Variants in DGLUCY observed in about 807,000 individuals in gnomAD.
DGLUCY encodes D-glutamate cyclase, mitochondrial.
DGLUCY carries 58 observed loss-of-function variants against 58.5 expected under a neutral mutation model. The observed-to-expected ratio is 0.99, with a 90% confidence interval of 0.80 to 1.23. The LOEUF (loss-of-function observed/expected upper bound fraction) is 1.23, where lower values mean the gene tolerates loss of function less well. DGLUCY is among the 50% of genes most tolerant of loss of function. The pLI is 0.00. For missense variants in DGLUCY, 779 were observed against 784.7 expected (o/e 0.99, Z 0.09); for synonymous variants, 325 against 314.1 (o/e 1.03, Z -0.37).
chr14:91,065,492 G>A (rs959750420), intron 1 of DGLUCY, among the ~76,000 whole-genome samples: 3 of 152,076 alleles, frequency 2.0e-5, no homozygotes, highest in African/African-American at 7.2e-5. Flanking sequence ...GATCACCTGG[G>A]ATACTGAAAA....
intron 1 of DGLUCY, chr14:91,148,526 A>C (rs929054443): frequency 1.3e-5 from 2 of 152,048 alleles, no homozygotes; most frequent in African/African-American, 4.8e-5. Flanking sequence ...TTTAACAACC[A>C]AAAACTTAAA....
At chr14:91,087,406 T>C (rs1023551560) in intron 1 of DGLUCY, among the ~76,000 whole-genome samples, 1 of 152,192 alleles carries the variant, frequency 6.6e-6, no homozygotes, top group African/African-American at 2.4e-5. Flanking sequence ...TAACTTCTCT[T>C]AGAAGCAAAA....
intron 2 of DGLUCY, among the ~76,000 whole-genome samples, chr14:91,159,960 G>T (rs1478025108): frequency 1.3e-5 from 2 of 152,144 alleles, no homozygotes; most frequent in Non-Finnish European, 2.9e-5. Context: ...TGGCCAAGGA[G>T]CCCAGCACCA....
Position 91,181,934 on chromosome 14 carries a change from C to T in DGLUCY, c.934+545C>T, listed in dbSNP as rs184824443. On this transcript the variant is annotated intron_variant, in intron 8 of 13. Coordinates refer to ENST00000256324, the MANE Select transcript of DGLUCY (RefSeq NM_001102368.3). ...TGCTGGGTTTACAAGCGTGAGCCAC[C>T]ATGCCCAGCCTTGCTTTCTTCTTTA... Among the ~76,000 whole-genome samples, 57 of 151,520 alleles carry T rather than the reference C, an allele frequency of 3.8e-4. 1 individual carries two copies. In the East Asian group the frequency reaches 9.1e-3, roughly 24 times the overall value.
intron 1 of DGLUCY, among the ~76,000 whole-genome samples, chr14:91,149,109 T>C (rs2047168191): frequency 6.6e-6 from 1 of 151,660 alleles, no homozygotes; most frequent in Non-Finnish European, 1.5e-5. Context: ...TAGCCAGGCG[T>C]GGTGGCGCAT....
intron 1 of DGLUCY, among the ~76,000 whole-genome samples, chr14:91,067,802 G>A (rs370186303): frequency 3.3e-5 from 5 of 152,074 alleles, no homozygotes; most frequent in African/African-American, 1.2e-4. Flanking sequence ...CACCCACCTC[G>A]GCCTCCCAAA....
At chr14:91,153,927 A>G (rs1405024993) in intron 1 of DGLUCY, among the ~76,000 whole-genome samples, 1 of 152,008 alleles carries the variant, frequency 6.6e-6, no homozygotes, top group East Asian at 1.9e-4. Context: ...GTTTTTTGAG[A>G]CAGGGTCTCA....
chr14:91,150,218 CAAA>C (rs71120121), intron 1 of DGLUCY, among the ~76,000 whole-genome samples: 82 of 64,720 alleles, frequency 1.3e-3, no homozygotes, highest in African/African-American at 4.8e-3. Flanking sequence ...GACTCCATCT[CAAA>C]AAAAAAAAAA....
At chr14:91,092,451 C>T (rs1354653919) in intron 1 of DGLUCY, among the ~76,000 whole-genome samples, 1 of 152,168 alleles carries the variant, frequency 6.6e-6, no homozygotes, top group Non-Finnish European at 1.5e-5. Context: ...GAAGATCTCC[C>T]TATGAGAAAA....
chr14:91,215,487 G>A lies in DGLUCY; in HGVS notation c.1647G>A (p.Arg549=). 1.2e-6 allele frequency: 2 copies of A among 1,614,242 alleles called. No homozygotes were observed. Among genetic ancestry groups the A allele is most frequent in the Non-Finnish European group, 1.7e-6 (2 of 1,180,048 alleles). Residue 549 remains arginine (R), a synonymous_variant, in exon 13 of 14, where the codon AGG becomes AGA. Transcript: ENST00000256324. ...GTGCTGTCCACAGTCAGTACCTGAG[G>A]AAAGCAGTCGGACCCTCCAGGGCAC... ...YSCAVHSQYL[R]KAVGPSRAPG...
chr14:91,117,400 T>C (rs2045037882), intron 1 of DGLUCY, among the ~76,000 whole-genome samples: 1 of 152,132 alleles, frequency 6.6e-6, no homozygotes, highest in Non-Finnish European at 1.5e-5. Flanking sequence ...CTCAGCCTTA[T>C]TTTACCCAGC....
chr14:91,131,972 T>C (rs545305719), intron 1 of DGLUCY, among the ~76,000 whole-genome samples: 10 of 152,266 alleles, frequency 6.6e-5, no homozygotes, highest in African/African-American at 2.2e-4. Flanking sequence ...TTTGTATTTT[T>C]AGTAGAGACA....
At chr14:91,160,050 AG>A (rs1055796869) in intron 2 of DGLUCY, among the ~76,000 whole-genome samples, 17 of 152,256 alleles carry the variant, frequency 1.1e-4, no homozygotes, top group African/African-American at 3.8e-4. Context: ...AGGCCAAGGG[AG>A]GGGCACAGGG....
chr14:91,080,885 G>C (rs760050974), intron 1 of DGLUCY, among the ~76,000 whole-genome samples: 1 of 152,116 alleles, frequency 6.6e-6, no homozygotes, highest in Non-Finnish European at 1.5e-5. Context: ...TCTAGAAAAA[G>C]AGCTCCTCTT....
At position 91,196,416 on chromosome 14, in the gene DGLUCY, G is replaced by C. The variant is rs1284022824; in HGVS notation, c.1237G>C (p.Gly413Arg). The stretch of plus-strand genomic sequence containing the variant: ...GATCCCGATATTAACTTACCAAGGT[G>C]GATCAGTGGAAGCTGCTCAGGCATT... ...TQIPILTYQG[G>R]SVEAAQAFLC... The change falls in exon 10 of 14, where the codon GGA becomes CGA. Residue 413 changes from glycine (G) to arginine (R), a missense_variant. Transcript: ENST00000256324. The C allele has an allele frequency of 6.2e-7, 1 of 1,614,132 alleles. No individual in the cohort carries two copies. Among genetic ancestry groups the C allele is most frequent in the East Asian group, 2.2e-5 (1 of 44,886 alleles).
At chr14:91,154,913 T>G (rs1481451918) in intron 1 of DGLUCY, among the ~76,000 whole-genome samples, 1 of 152,094 alleles carries the variant, frequency 6.6e-6, no homozygotes, top group Non-Finnish European at 1.5e-5. Flanking sequence ...CAGACCCAGC[T>G]CCCGCCACCT....
At chr14:91,098,205 C>T (rs2044428444) in intron 1 of DGLUCY, among the ~76,000 whole-genome samples, 2 of 152,138 alleles carry the variant, frequency 1.3e-5, no homozygotes, top group African/African-American at 4.8e-5. Flanking sequence ...GCCTATAATC[C>T]CAGCACTTCA....
intron 12 of DGLUCY, among the ~76,000 whole-genome samples, chr14:91,205,305 C>T (rs983598225): frequency 6.6e-6 from 1 of 152,104 alleles, no homozygotes; most frequent in Non-Finnish European, 1.5e-5. Context: ...AGCTTTCTAC[C>T]TTTCCTTTCA....
rs149456300 is a variant in DGLUCY, at chr14:91,130,013, C to A, written c.-82+15730C>A. Among the ~76,000 whole-genome samples, 190 of 152,306 alleles carry A rather than the reference C, an allele frequency of 1.2e-3. 2 individuals carry two copies. Among genetic ancestry groups the A allele is most frequent in the African/African-American group, 4.1e-3 (170 of 41,572 alleles). On this transcript the variant is annotated intron_variant, in intron 1 of 13. Transcript: ENST00000256324. ...AGCTGTAGTTTATTTTTCACCACTGCATAGTGTTACATTGTATGATTTTCC... is the reference window on the plus strand; with the variant it reads ...AGCTGTAGTTTATTTTTCACCACTGAATAGTGTTACATTGTATGATTTTCC...
Sources: gnomAD v4.1 joint callset for allele counts (sites outside exome capture counted in the v4.1 genomes callset) on GRCh38, gnomAD v4.1.1 for gene constraint, MANE v1.5 for transcripts, NCBI Gene and HGNC (gene_info 2026-07-23, HGNC 2026-07-21) for gene names.